ACBD5: variants seen among roughly 807,000 people sequenced by gnomAD.
The protein encoded by ACBD5 is acyl-CoA-binding domain-containing protein 5.
In ACBD5, 40 loss-of-function variants were observed where a neutral mutation model predicts 71.8. The observed-to-expected ratio is 0.56, with a 90% CI of 0.43 to 0.72. The LOEUF (loss-of-function observed/expected upper bound fraction) is 0.72, where lower values mean the gene tolerates loss of function less well. Among genes scored for constraint, ACBD5 ranks in the 30% least tolerant of loss-of-function variants. The pLI is 0.00. For missense variants in ACBD5, 559 were observed against 644.5 expected, an observed-to-expected ratio of 0.87 and a Z score of 1.44; for synonymous variants, 229 against 218.6, an observed-to-expected ratio of 1.05 and a Z score of -0.42.
intron 12 of ACBD5, 56 bp from the exon 13 acceptor site, chr10:27,197,498 T>G (rs1330245443): frequency 1.6e-6 from 2 of 1,288,802 alleles, no homozygotes; most frequent in East Asian, 4.8e-5. Context: ...AATAATTCTC[T>G]GGATGGTAAC....
At chr10:27,228,046 C>A (rs186012074) in intron 4 of ACBD5, among the ~76,000 whole-genome samples, 1 of 151,904 alleles carries the variant, frequency 6.6e-6, no homozygotes, top group African/African-American at 2.4e-5. Context: ...ATCCTCTAAT[C>A]CTCCCTCTAT....
chr10:27,212,642 G>T (rs1371702953), intron 8 of ACBD5, among the ~76,000 whole-genome samples: 2 of 148,982 alleles, frequency 1.3e-5, no homozygotes, highest in Admixed American at 1.4e-4. Context: ...GCAGTGGTGC[G>T]ATCTTGGCTC....
downstream of ACBD5, among the ~76,000 whole-genome samples, chr10:27,192,314 A>G (rs570764609): frequency 2.6e-5 from 4 of 152,006 alleles, no homozygotes; most frequent in African/African-American, 4.8e-5. Flanking sequence ...TGAAAAAAAA[A>G]GTCTACTGGG....
Position 27,195,376 on chromosome 10 carries a change from C to G in ACBD5, c.*2054G>C, listed in dbSNP as rs1251717265. 2.2e-5 allele frequency: 10 copies of G among 454,288 alleles called. No homozygotes were observed. The highest frequency in any genetic ancestry group is 1.1e-4 in the South Asian group (7 of 64,428). 28.1% of individuals were successfully genotyped at this position (454,288 alleles called of 1,614,324 possible). Reference sequence around the variant, plus strand: ...ACATCTTTACTTTTATATACAAGAACTGTGTGCAAAGTGCTTTTCAAACTA... The same window carrying G: ...ACATCTTTACTTTTATATACAAGAAGTGTGTGCAAAGTGCTTTTCAAACTA... On this transcript the variant is annotated 3_prime_UTR_variant, in exon 13 of 13. Coordinates refer to ENST00000396271, the MANE Select transcript of ACBD5 (RefSeq NM_145698.5).
intron 2 of ACBD5, 97 bp from the exon 3 acceptor site, chr10:27,235,309 G>A (rs2064511449): frequency 7.3e-7 from 1 of 1,371,830 alleles, no homozygotes; most frequent in Admixed American, 1.8e-5. Flanking sequence ...ATTTTATATT[G>A]CATTAATACT....
At chr10:27,228,815 A>ATATATATATATATATATATT (rs1554856598) in intron 4 of ACBD5, among the ~76,000 whole-genome samples, 3 of 20,368 alleles carry the variant, frequency 1.5e-4, no homozygotes, top group Non-Finnish European at 2.5e-4. Context: ...ATATATATAT[A>ATATATATATATATATATATT]TTTTTTTTTT....
chr10:27,206,874 A>C (rs993237180), intron 10 of ACBD5, among the ~76,000 whole-genome samples: 1 of 152,132 alleles, frequency 6.6e-6, no homozygotes, highest in African/African-American at 2.4e-5. Flanking sequence ...GATGAAGACA[A>C]CAAGTCCTCT....
At chr10:27,235,798 T>C (rs1447342836) in intron 2 of ACBD5, among the ~76,000 whole-genome samples, 1 of 152,230 alleles carries the variant, frequency 6.6e-6, no homozygotes, top group Non-Finnish European at 1.5e-5. Flanking sequence ...CTAGCATATC[T>C]ATAGTTTTTC....
intron 4 of ACBD5, among the ~76,000 whole-genome samples, chr10:27,225,077 CT>C (rs369118936): frequency 5.0e-4 from 68 of 136,418 alleles, no homozygotes; most frequent in Middle Eastern, 3.8e-3. Context: ...CGCTCTCTTT[CT>C]TTTTTTTTTT....
Position 27,238,558 on chromosome 10 carries a change from A to G in ACBD5, c.181+1761T>C, listed in dbSNP as rs1014681451. On this transcript the variant is annotated intron_variant, in intron 2 of 12. Transcript: ENST00000396271. ...CCTAAATAAGTTCATGCTTTTTTTT[A>G]TATTTTATTTGTTCTTTCTTATCTT... 2.6e-5 allele frequency among the ~76,000 whole-genome samples: 4 copies of G among 152,116 alleles called. No individual in the cohort carries two copies. In the South Asian group the frequency reaches 6.2e-4, roughly 24 times the overall value.
At chr10:27,238,930 G>C (rs1340202514) in intron 2 of ACBD5, among the ~76,000 whole-genome samples, 1 of 152,208 alleles carries the variant, frequency 6.6e-6, no homozygotes, top group African/African-American at 2.4e-5. Flanking sequence ...GGGCGCGGTG[G>C]CTCATGCCTG....
At chr10:27,226,383 T>C (rs1317064683) in intron 4 of ACBD5, among the ~76,000 whole-genome samples, 4 of 150,788 alleles carry the variant, frequency 2.7e-5, no homozygotes, top group Non-Finnish European at 5.9e-5. Context: ...ATTTGCAAAA[T>C]TATCTCCCTG....
At chr10:27,227,287 C>T (rs933050994) in intron 4 of ACBD5, among the ~76,000 whole-genome samples, 8 of 152,030 alleles carry the variant, frequency 5.3e-5, no homozygotes, top group Non-Finnish European at 1.2e-4. Flanking sequence ...CACTTTTCCT[C>T]AGTGAGAGAC....
chr10:27,228,864 G>A lies in ACBD5; in HGVS notation c.375+2884C>T, dbSNP rs1342287301. On this transcript the variant is annotated intron_variant, in intron 4 of 12. Transcript: ENST00000396271. ...GAGACAGATTATTGCCGTTACCCAG[G>A]CTGGAGTGCAGCGGCGCAATCTCGG... Among the ~76,000 whole-genome samples, 4 of 118,028 alleles carry A rather than the reference G, an allele frequency of 3.4e-5. 1 individual carries two copies. The highest frequency in any genetic ancestry group is 6.9e-5 in the Non-Finnish European group (4 of 57,798). 77.4% of individuals were successfully genotyped at this position (118,028 alleles called of 152,430 possible).
At chr10:27,198,848 C>T (rs796463760) in intron 12 of ACBD5, among the ~76,000 whole-genome samples, 10 of 152,178 alleles carry the variant, frequency 6.6e-5, no homozygotes, top group African/African-American at 1.9e-4. Flanking sequence ...CTGTAGCTCA[C>T]GCCTGTAATC....
At chr10:27,225,347 T>C (rs1259494714) in intron 4 of ACBD5, among the ~76,000 whole-genome samples, 1 of 152,180 alleles carries the variant, frequency 6.6e-6, no homozygotes, top group Non-Finnish European at 1.5e-5. Flanking sequence ...AGATGGATCA[T>C]TGGTGGTCTA....
At chr10:27,205,060 G>C in intron 11 of ACBD5, 138 bp downstream of exon 11, 3 of 753,460 alleles carry the variant, frequency 4.0e-6, no homozygotes, top group Non-Finnish European at 6.4e-6. Flanking sequence ...CCAGGAGGCA[G>C]AGCTTGCAGT....
At chr10:27,198,410 A>G (rs1210006856) in intron 12 of ACBD5, among the ~76,000 whole-genome samples, 1 of 152,190 alleles carries the variant, frequency 6.6e-6, no homozygotes, top group Non-Finnish European at 1.5e-5. Context: ...CCTCCCCAGC[A>G]CTCAAGATGC....
Position 27,205,198 on chromosome 10 carries a change from C to G in ACBD5, c.1455G>C (p.Gln485His). ...TLQTAPQPTS[Q>H]RPSWWPFEMS... Reference sequence around the variant, plus strand: ...TTAAATTTTTTAAAAAATGTCTTACCTGTGAGGTGGGCTGAGGAGCAGTCT... The same window carrying G: ...TTAAATTTTTTAAAAAATGTCTTACGTGTGAGGTGGGCTGAGGAGCAGTCT... Residue 485 changes from glutamine to histidine, a missense_variant and splice_region_variant, in exon 11 of 13, where the codon CAG (glutamine) becomes CAC (histidine). Physicochemically the swap from Gln to His is conservative, Grantham distance 24. Coordinates refer to ENST00000396271, the MANE Select transcript of ACBD5 (RefSeq NM_145698.5). 1 of 1,611,432 alleles carries G rather than the reference C, an allele frequency of 6.2e-7. No individual in the cohort carries two copies. The highest frequency in any genetic ancestry group is 1.3e-5 in the African/African-American group (1 of 74,926).
Sources: gnomAD v4.1 joint callset for allele counts (sites outside exome capture counted in the v4.1 genomes callset) on GRCh38, gnomAD v4.1.1 for gene constraint, MANE v1.5 for transcripts, NCBI Gene and HGNC (gene_info 2026-07-23, HGNC 2026-07-21) for gene names.